The following STAU2 variants were observed in gnomAD, a reference collection of about 807,000 sequenced individuals.
STAU2 encodes double-stranded RNA-binding protein Staufen homolog 2.
A neutral mutation model predicts 65.9 loss-of-function variants in STAU2; 20 were observed. The observed-to-expected ratio is 0.30, with a 90% CI of 0.21 to 0.44. The LOEUF is 0.44. Among genes scored for constraint, STAU2 ranks in the 20% least tolerant of loss-of-function variants. STAU2 has a pLI of 1.00. For missense variants in STAU2, 558 were observed against 683.9 expected, an observed-to-expected ratio of 0.82 and a Z score of 2.05; for synonymous variants, 232 against 233.9, an observed-to-expected ratio of 0.99 and a Z score of 0.07.
chr8:73,701,027 C>G (rs1014777208), intron 4 of STAU2, among the ~76,000 whole-genome samples: 6 of 152,054 alleles, frequency 3.9e-5, no homozygotes, highest in African/African-American at 1.4e-4. Flanking sequence ...GGGGAAAAGA[C>G]AGTCTCTTCA....
At chr8:73,632,780 T>G (rs1814195816) in intron 6 of STAU2, among the ~76,000 whole-genome samples, 1 of 152,154 alleles carries the variant, frequency 6.6e-6, no homozygotes, top group African/African-American at 2.4e-5. Context: ...AGAGCTAAAC[T>G]TATAATCTTA....
intron 6 of STAU2, among the ~76,000 whole-genome samples, chr8:73,648,767 G>A (rs956278843): frequency 1.3e-5 from 2 of 152,142 alleles, no homozygotes; most frequent in South Asian, 2.1e-4. Flanking sequence ...GGTTAGGTTT[G>A]GAGTCTTTCA....
At chr8:73,665,853 A>C (rs1563492841) in intron 6 of STAU2, among the ~76,000 whole-genome samples, 1 of 152,218 alleles carries the variant, frequency 6.6e-6, no homozygotes, top group Non-Finnish European at 1.5e-5. Flanking sequence ...TTAATATTTT[A>C]ATATTTGCAT....
At chr8:73,460,673 G>A (rs980229228) in intron 13 of STAU2, among the ~76,000 whole-genome samples, 1 of 152,162 alleles carries the variant, frequency 6.6e-6, no homozygotes, top group African/African-American at 2.4e-5. Flanking sequence ...TGCTTTGGAG[G>A]TCTCCATTTT....
intron 6 of STAU2, among the ~76,000 whole-genome samples, chr8:73,650,606 T>C (rs955093061): frequency 1.3e-5 from 2 of 152,128 alleles, no homozygotes; most frequent in African/African-American, 4.8e-5. Context: ...CTATTAAAGG[T>C]AGAATATTTG....
rs190411507 is a variant in STAU2 at position 73,719,447 on chromosome 8, A to C, written c.-17-10285T>G. On this transcript the variant is annotated intron_variant, in intron 3 of 14. Coordinates refer to ENST00000524300, the MANE Select transcript of STAU2 (RefSeq NM_001164380.2). ...ACCAATAAGTACAAGGTCAGCTAAT[A>C]AGGTTTTTCATAGAAGCACATTAGC... Among the ~76,000 whole-genome samples the C allele has an allele frequency of 2.3e-4, 35 of 152,320 alleles. No homozygotes were observed. In the East Asian group the frequency reaches 6.8e-3, roughly 29 times the overall value.
chr8:73,746,011 G>T (rs943449942), intron 1 of STAU2, among the ~76,000 whole-genome samples: 2 of 151,634 alleles, frequency 1.3e-5, no homozygotes, highest in Non-Finnish European at 2.9e-5. Flanking sequence ...CCGTAACTGA[G>T]CTTTGTCTCC....
chr8:73,603,119 T>A (rs1243985346), intron 10 of STAU2, among the ~76,000 whole-genome samples: 1 of 152,186 alleles, frequency 6.6e-6, no homozygotes, highest in African/African-American at 2.4e-5. Flanking sequence ...GAGTTTGAGC[T>A]GGCAAATGAA....
At chr8:73,435,276 C>T (rs1218224414) in intron 13 of STAU2, among the ~76,000 whole-genome samples, 1 of 151,900 alleles carries the variant, frequency 6.6e-6, no homozygotes, top group African/African-American at 2.4e-5. Flanking sequence ...GATATGTTTG[C>T]GTCTTGTCTC....
At chr8:73,699,860 CA>C (rs201419278) in intron 4 of STAU2, among the ~76,000 whole-genome samples, 218 of 88,874 alleles carry the variant, frequency 2.5e-3, no homozygotes, top group South Asian at 0.016. Flanking sequence ...AAACACACAT[CA>C]AAAAAAAAAA....
rs368065193 is a variant in STAU2 at position 73,674,126 on chromosome 8, T to TAA, written c.275-886_275-885dup. Among the ~76,000 whole-genome samples the TAA allele has an allele frequency of 2.1e-4, 24 of 114,134 alleles. No homozygotes were observed. In the South Asian group the frequency reaches 2.4e-3, roughly 11 times the overall value. 74.9% of individuals were successfully genotyped at this position (114,134 alleles called of 152,430 possible). On this transcript the variant is annotated intron_variant, in intron 5 of 14. Coordinates refer to ENST00000524300, the MANE Select transcript of STAU2 (RefSeq NM_001164380.2). ...TTTTTTTAAAGAATAAACCCAAAAC[T>TAA]AAAAAAAAAAAAAAAAAACTTACTT...
chr8:73,516,875 A>G (rs975569592), intron 13 of STAU2, among the ~76,000 whole-genome samples: 2 of 152,198 alleles, frequency 1.3e-5, no homozygotes, highest in Non-Finnish European at 2.9e-5. Flanking sequence ...TATATAGGCA[A>G]CAGTTTTCCA....
At chr8:73,528,731 A>C in intron 13 of STAU2, among the ~76,000 whole-genome samples, 1 of 152,148 alleles carries the variant, frequency 6.6e-6, no homozygotes, top group East Asian at 1.9e-4. Context: ...GAAAATTTTG[A>C]ATTTGTGAGG....
intron 13 of STAU2, among the ~76,000 whole-genome samples, chr8:73,547,172 T>TTG (rs1413409081): frequency 6.6e-6 from 1 of 152,320 alleles, no homozygotes; most frequent in South Asian, 2.1e-4. Flanking sequence ...TTGAACTATC[T>TTG]TGTGTGTCTT....
intron 12 of STAU2, among the ~76,000 whole-genome samples, chr8:73,567,993 A>T (rs564130318): frequency 4.6e-5 from 7 of 152,300 alleles, no homozygotes; most frequent in East Asian, 1.9e-4. Flanking sequence ...AATACTTTCT[A>T]AAAAAATGAA....
intron 13 of STAU2, among the ~76,000 whole-genome samples, chr8:73,489,514 A>G (rs911904375): frequency 6.6e-6 from 1 of 151,986 alleles, no homozygotes; most frequent in African/African-American, 2.4e-5. Flanking sequence ...GGTGCAAATG[A>G]CCTGAGTGTT....
intron 13 of STAU2, among the ~76,000 whole-genome samples, chr8:73,488,063 A>G (rs1821003499): frequency 6.6e-6 from 1 of 152,084 alleles, no homozygotes; most frequent in Admixed American, 6.6e-5. Context: ...GTTTGCACTC[A>G]ATAAATGTTA....
At chr8:73,427,763 C>A (rs77962417) in intron 13 of STAU2, among the ~76,000 whole-genome samples, 1,687 of 152,354 alleles carry the variant, frequency 0.011, 42 homozygotes, top group Admixed American at 0.05. Context: ...CAGATATTCC[C>A]ATTTTCACGG....
At chr8:73,693,608 C>T (rs1819509689) in intron 4 of STAU2, among the ~76,000 whole-genome samples, 1 of 151,912 alleles carries the variant, frequency 6.6e-6, no homozygotes, top group African/African-American at 2.4e-5. Flanking sequence ...TCTGTAAAAC[C>T]ATCAACATGA....
Sources: allele counts gnomAD v4.1 joint callset (sites outside exome capture counted in the v4.1 genomes callset), GRCh38; gene constraint gnomAD v4.1.1; transcripts MANE v1.5; gene names NCBI Gene and HGNC (gene_info 2026-07-23, HGNC 2026-07-21).